MBNL3: variants seen among roughly 807,000 people sequenced by gnomAD.
MBNL3 encodes muscleblind like splicing regulator 3.
A neutral mutation model predicts 24.5 loss-of-function variants in MBNL3; 6 were observed. The observed-to-expected ratio is 0.25, with a 90% CI of 0.13 to 0.48. MBNL3 has a LOEUF of 0.48. Ranked by LOEUF, MBNL3 falls within the 20% of genes least tolerant of loss-of-function variation. The pLI, the probability that MBNL3 is intolerant of heterozygous loss-of-function variation, is 0.99. For missense variants in MBNL3, 230 were observed against 293.5 expected, an observed-to-expected ratio of 0.78 and a Z score of 1.58; for synonymous variants, 100 against 101.7, an observed-to-expected ratio of 0.98 and a Z score of 0.10.
chrX:132,427,347 G>A lies in MBNL3; in HGVS notation c.177+12088C>T, dbSNP rs189471455. On this transcript the variant is annotated intron_variant, in intron 2 of 8. Transcript: ENST00000370853. The stretch of plus-strand genomic sequence containing the variant: ...AATACTGAAGTTAAGACTGAATTTG[G>A]TTCTATATAGAACACTTTTTTTGGT... Among the ~76,000 whole-genome samples, 245 of 111,276 alleles carry A rather than the reference G, an allele frequency of 2.2e-3. 3 individuals are homozygous for A. Among genetic ancestry groups the A allele is most frequent in the Admixed American group, 8.8e-3 (92 of 10,450 alleles).
At chrX:132,383,113 G>A (rs1235805200) in intron 7 of MBNL3, among the ~76,000 whole-genome samples, 1 of 112,042 alleles carries the variant, frequency 8.9e-6, no homozygotes, top group Non-Finnish European at 1.9e-5. Flanking sequence ...AGCAAACCAG[G>A]GAATTAATGT....
At chrX:132,472,015 T>C (rs915787444) in intron 1 of MBNL3, among the ~76,000 whole-genome samples, 35 of 112,610 alleles carry the variant, frequency 3.1e-4, no homozygotes, top group African/African-American at 1.1e-3. Flanking sequence ...GAAGGTTAAC[T>C]GCAGACATCA....
chrX:132,475,809 A>G (rs1402209598), intron 1 of MBNL3, among the ~76,000 whole-genome samples: 1 of 111,657 alleles, frequency 9.0e-6, no homozygotes, highest in Non-Finnish European at 1.9e-5. Context: ...GTGCCACAAG[A>G]GCCAAAGTCA....
chrX:132,384,557 A>G, intron 7 of MBNL3, 106 bp downstream of exon 7: 1 of 717,691 alleles, frequency 1.4e-6, no homozygotes, highest in Admixed American at 3.0e-5. Flanking sequence ...TAACATACTC[A>G]GAAAATTTCC....
intron 2 of MBNL3, among the ~76,000 whole-genome samples, chrX:132,429,097 A>G (rs1944535707): frequency 8.9e-6 from 1 of 112,502 alleles, no homozygotes; most frequent in South Asian, 3.7e-4. Context: ...TTTTCTCACC[A>G]GATGCCCAAT....
intron 2 of MBNL3, among the ~76,000 whole-genome samples, chrX:132,419,962 G>A (rs1010252881): frequency 7.3e-4 from 81 of 111,592 alleles, no homozygotes; most frequent in African/African-American, 2.4e-3. Flanking sequence ...ACCTGAGCCC[G>A]GGAGGCTGAG....
At chrX:132,463,365 G>A (rs1297904738) in intron 1 of MBNL3, among the ~76,000 whole-genome samples, 2 of 111,852 alleles carry the variant, frequency 1.8e-5, no homozygotes, top group African/African-American at 6.5e-5. Flanking sequence ...CGGAGGCTGA[G>A]GCAGGAGAAT....
intron 1 of MBNL3, among the ~76,000 whole-genome samples, chrX:132,440,623 A>ATT (rs141167671): frequency 8.3e-5 from 9 of 108,291 alleles, no homozygotes; most frequent in Admixed American, 4.9e-4. Context: ...ATCTGAAAAG[A>ATT]TTTTTTTTTT....
chrX:132,477,036 TA>T, intron 1 of MBNL3, among the ~76,000 whole-genome samples: 1 of 112,364 alleles, frequency 8.9e-6, no homozygotes, highest in South Asian at 3.7e-4. Flanking sequence ...TACTGCTTTC[TA>T]AAAAGCTTTA....
intron 1 of MBNL3, among the ~76,000 whole-genome samples, chrX:132,488,004 C>T (rs927826948): frequency 3.6e-5 from 4 of 112,024 alleles, no homozygotes; most frequent in Admixed American, 9.4e-5. Flanking sequence ...AAAAAAAGTA[C>T]CAATCACTTC....
chrX:132,375,875 G>C lies in MBNL3; in HGVS notation c.*3791C>G, dbSNP rs1295729319. 1 of 111,702 alleles carries C rather than the reference G, an allele frequency of 9.0e-6. No homozygotes were observed. The highest frequency in any genetic ancestry group is 9.5e-5 in the Admixed American group (1 of 10,522). 9.2% of individuals were successfully genotyped at this position (111,702 alleles called of 1,213,427 possible). On this transcript the variant is annotated 3_prime_UTR_variant, in exon 9 of 9. Coordinates refer to ENST00000370853, the MANE Select transcript of MBNL3 (RefSeq NM_001386889.1). ...CATCCTTATCTATACTCTGCAATGAGGGGGACAAAGAACCAAATAACATTT... is the reference window on the plus strand; with the variant it reads ...CATCCTTATCTATACTCTGCAATGACGGGGACAAAGAACCAAATAACATTT...
chrX:132,471,367 A>C (rs1187997144), intron 1 of MBNL3, among the ~76,000 whole-genome samples: 1 of 112,601 alleles, frequency 8.9e-6, no homozygotes, highest in Non-Finnish European at 1.9e-5. Flanking sequence ...ACAAATGAAA[A>C]ATTTTCACAA....
At chrX:132,448,032 T>G (rs957869380) in intron 1 of MBNL3, among the ~76,000 whole-genome samples, 1 of 112,606 alleles carries the variant, frequency 8.9e-6, no homozygotes, top group African/African-American at 3.2e-5. Flanking sequence ...TCATTGGTTC[T>G]GTTTATGTTA....
At chrX:132,400,252 T>C (rs1205459889) in intron 3 of MBNL3, among the ~76,000 whole-genome samples, 5 of 111,776 alleles carry the variant, frequency 4.5e-5, no homozygotes, top group Non-Finnish European at 7.5e-5. Context: ...GAAGATATCA[T>C]GTACAAGTGT....
intron 5 of MBNL3, among the ~76,000 whole-genome samples, chrX:132,387,391 G>A (rs960039071): frequency 9.2e-6 from 1 of 109,251 alleles, no homozygotes; most frequent in African/African-American, 3.3e-5. Flanking sequence ...CATTTGGGCA[G>A]GATATGACAG....
chrX:132,417,581 A>G (rs1377191990), intron 2 of MBNL3, among the ~76,000 whole-genome samples: 3 of 112,062 alleles, frequency 2.7e-5, no homozygotes, highest in Non-Finnish European at 5.6e-5. Flanking sequence ...GTGTTCATTA[A>G]AAATGTGCAT....
intron 3 of MBNL3, among the ~76,000 whole-genome samples, chrX:132,402,494 T>C (rs1242793420): frequency 8.9e-6 from 1 of 111,942 alleles, no homozygotes; most frequent in African/African-American, 3.2e-5. Context: ...TCTAATATTC[T>C]TCTACAGTGG....
chrX:132,413,973 G>A (rs1337725034), intron 2 of MBNL3, among the ~76,000 whole-genome samples: 2 of 111,728 alleles, frequency 1.8e-5, no homozygotes, highest in East Asian at 2.8e-4. Flanking sequence ...ACTCAAATTC[G>A]AGTAAAAGTC....
intron 3 of MBNL3, among the ~76,000 whole-genome samples, chrX:132,400,967 A>C (rs751942757): frequency 1.8e-5 from 2 of 112,130 alleles, no homozygotes; most frequent in African/African-American, 6.5e-5. Context: ...AAAACATGTA[A>C]TGTCACCACA....
Sources: gnomAD v4.1 joint callset for allele counts (sites outside exome capture counted in the v4.1 genomes callset) on GRCh38, gnomAD v4.1.1 for gene constraint, MANE v1.5 for transcripts, NCBI Gene and HGNC (gene_info 2026-07-23, HGNC 2026-07-21) for gene names.